Variants in HSD17B14 observed in about 807,000 individuals in gnomAD.
The protein encoded by HSD17B14 is L-fucose dehydrogenase.
HSD17B14 carries 32 observed loss-of-function variants against 32.2 expected under a neutral mutation model. The ratio of observed to expected loss-of-function variants is 0.99; its 90% CI spans 0.75 to 1.33. The LOEUF is 1.33. Among genes scored for constraint, HSD17B14 ranks in the 40% most tolerant of loss-of-function variants. HSD17B14 has a pLI of 0.00. For missense variants in HSD17B14, 370 were observed against 366.5 expected (o/e 1.01, Z -0.08); for synonymous variants, 140 against 155.4 (o/e 0.90, Z 0.74).
At position 48,836,479 on chromosome 19, in the gene HSD17B14, G is replaced by T; in HGVS notation, c.-68C>A. On this transcript the variant is annotated 5_prime_UTR_variant, in exon 1 of 9. Coordinates refer to ENST00000263278, the MANE Select transcript of HSD17B14 (RefSeq NM_016246.3). ...TTCACCTCCAAAGCCCCGTGAGGCC[G>T]TCGCATCAAATCCTCAATAGAGGCT... 6.6e-7 allele frequency: 1 copy of T among 1,521,200 alleles called. No individual in the cohort carries two copies. 94.2% of individuals were successfully genotyped at this position (1,521,200 alleles called of 1,614,324 possible). A position where few individuals can be genotyped will look rare whatever the true frequency, so the allele number is the denominator to read the frequency against.
At chr19:48,820,721 G>A (rs1039467982) in intron 5 of HSD17B14, among the ~76,000 whole-genome samples, 27 of 151,244 alleles carry the variant, frequency 1.8e-4, no homozygotes, top group Admixed American at 9.2e-4. Context: ...ACAGGGTTTC[G>A]GCCGGGCGCA....
At chr19:48,825,232 C>T (rs868447155) in intron 5 of HSD17B14, among the ~76,000 whole-genome samples, 67 of 108,458 alleles carry the variant, frequency 6.2e-4, no homozygotes, top group African/African-American at 2.5e-3. Flanking sequence ...AGCGAGACTC[C>T]GTCGCAAAAA....
intron 5 of HSD17B14, among the ~76,000 whole-genome samples, chr19:48,818,936 C>T (rs1244489840): frequency 1.3e-5 from 2 of 152,160 alleles, no homozygotes; most frequent in Non-Finnish European, 2.9e-5. Context: ...GGCCAGATCA[C>T]GAGGCCTTGA....
Position 48,823,026 on chromosome 19 carries a change from G to A in HSD17B14, c.370-7885C>T, listed in dbSNP as rs140029389. Among the ~76,000 whole-genome samples, 3 of 152,240 alleles carry A rather than the reference G, an allele frequency of 2.0e-5. No individual in the cohort carries two copies. The East Asian group carries it at 5.8e-4, about 29-fold the overall frequency. ...CATGAACAAGCAGACAAAAGTCTTT[G>A]CCCTCAGGGAAAACAAAGGCAATAT... On this transcript the variant is annotated intron_variant, in intron 5 of 8. Transcript: ENST00000263278.
chr19:48,826,231 G>A (rs978438430), intron 5 of HSD17B14, among the ~76,000 whole-genome samples: 4 of 151,672 alleles, frequency 2.6e-5, no homozygotes, highest in Non-Finnish European at 5.9e-5. Context: ...GGTGGCTTAC[G>A]CCTGTAATCC....
chr19:48,826,268 A>G (rs2035244005), intron 5 of HSD17B14, among the ~76,000 whole-genome samples: 1 of 151,546 alleles, frequency 6.6e-6, no homozygotes, highest in South Asian at 2.1e-4. Flanking sequence ...CGAGGCAGGC[A>G]GACCGCTATA....
At chr19:48,824,496 C>A (rs369811334) in intron 5 of HSD17B14, among the ~76,000 whole-genome samples, 1 of 151,346 alleles carries the variant, frequency 6.6e-6, no homozygotes. Context: ...AAGGGCCGGG[C>A]GCAGTGGCTC....
At position 48,813,246 on chromosome 19, in the gene HSD17B14, C is replaced by CT. The variant is rs2034990930; in HGVS notation, c.741_742insA (p.Gly248ArgfsTer56). ...TTGCACCCGTACCCCAGCTCTGCAC[C>CT]CCCCGTCACGAGCAGTTCAATGCCC... is the stretch of plus-strand genomic sequence containing the variant. On this transcript the variant is annotated frameshift_variant, in exon 9 of 9. Transcript: ENST00000263278. LOFTEE classifies it low-confidence loss of function (END_TRUNC). 6.2e-7 allele frequency: 1 copy of CT among 1,609,492 alleles called. No homozygotes were observed. Among genetic ancestry groups the CT allele is most frequent in the Non-Finnish European group, 8.5e-7 (1 of 1,178,182 alleles).
chr19:48,834,225 A>C (rs1312064890), intron 3 of HSD17B14, 51 bp downstream of exon 3: 1 of 1,461,618 alleles, frequency 6.8e-7, no homozygotes, highest in Non-Finnish European at 9.6e-7. Flanking sequence ...GGAGGAGAAC[A>C]AAGAACTGGT....
rs1006335002 is a variant in HSD17B14, at chr19:48,830,732, A to G, written c.369+936T>C. On this transcript the variant is annotated intron_variant, in intron 5 of 8. Coordinates refer to ENST00000263278, the MANE Select transcript of HSD17B14 (RefSeq NM_016246.3). The stretch of plus-strand genomic sequence containing the variant: ...AGACGAGGGTTTCACTATGTTGCCC[A>G]GGCTAGTCTCGAATTCCTGGGCTTA... Among the ~76,000 whole-genome samples, 4 of 152,254 alleles carry G rather than the reference A, an allele frequency of 2.6e-5. No individual in the cohort carries two copies. The East Asian group carries it at 7.7e-4, about 29-fold the overall frequency.
At chr19:48,825,954 G>T (rs891504195) in intron 5 of HSD17B14, among the ~76,000 whole-genome samples, 2 of 152,040 alleles carry the variant, frequency 1.3e-5, no homozygotes, top group African/African-American at 4.8e-5. Flanking sequence ...CCGAGTAGCT[G>T]GGACTACAGG....
In HSD17B14 at chr19:48,836,341, C is replaced by T; in HGVS notation, c.71G>A (p.Gly24Glu). 1 of 1,613,972 alleles carries T rather than the reference C, an allele frequency of 6.2e-7. No homozygotes were observed. The highest frequency in any genetic ancestry group is 8.5e-7 in the Non-Finnish European group (1 of 1,179,956). Residue 24 changes from glycine (G) to glutamate (E), a missense_variant, in exon 1 of 9, where the codon GGG becomes GAG. Gly to Glu is a moderately conservative substitution (Grantham distance 98, BLOSUM62 -2). Coordinates refer to ENST00000263278, the MANE Select transcript of HSD17B14 (RefSeq NM_016246.3). ...CGGCTCACCGAAGGCGCGCACGATC[C>T]CAGCTCCGATGCCGCGCCCGCCCCC... ...VTGGGRGIGA[G>E]IVRAFVNSGA...
chr19:48,832,350 G>A (rs959135780), intron 4 of HSD17B14, among the ~76,000 whole-genome samples: 2 of 151,824 alleles, frequency 1.3e-5, no homozygotes, highest in African/African-American at 4.8e-5. Flanking sequence ...CTGCACTCCA[G>A]CCTGGACGAC....
intron 5 of HSD17B14, among the ~76,000 whole-genome samples, chr19:48,818,709 C>T (rs1235074402): frequency 6.6e-6 from 1 of 152,096 alleles, no homozygotes; most frequent in East Asian, 1.9e-4. Flanking sequence ...ATATCAAGGA[C>T]CCGCTGGGGG....
intron 7 of HSD17B14, 50 bp downstream of exon 7, chr19:48,813,613 A>T: frequency 6.2e-7 from 1 of 1,612,886 alleles, no homozygotes; most frequent in Non-Finnish European, 8.5e-7. Context: ...GATCACTCCC[A>T]GTCACCCCAG....
At chr19:48,835,946 G>C (rs2035503303) in intron 1 of HSD17B14, 103 bp from the exon 2 acceptor site, 1 of 1,011,252 alleles carries the variant, frequency 9.9e-7, no homozygotes, top group Non-Finnish European at 1.5e-6. Context: ...CTCCCCTCGT[G>C]ACCCCAGTCT....
intron 5 of HSD17B14, among the ~76,000 whole-genome samples, chr19:48,827,545 T>C (rs2035270495): frequency 6.7e-6 from 1 of 148,966 alleles, no homozygotes; most frequent in Non-Finnish European, 1.5e-5. Context: ...TTCTTCTCCT[T>C]CGTTTTTTTT....
At chr19:48,815,699 G>C (rs2035039681) in intron 5 of HSD17B14, among the ~76,000 whole-genome samples, 2 of 151,968 alleles carry the variant, frequency 1.3e-5, no homozygotes, top group Non-Finnish European at 2.9e-5. Context: ...ATCCATGGAG[G>C]GGGAGATGGT....
intron 5 of HSD17B14, among the ~76,000 whole-genome samples, chr19:48,823,083 A>G (rs890689402): frequency 6.6e-6 from 1 of 152,206 alleles, no homozygotes; most frequent in African/African-American, 2.4e-5. Flanking sequence ...GTGTGAACAA[A>G]TCAGCTGTAA....
Sources: allele counts gnomAD v4.1 joint callset (sites outside exome capture counted in the v4.1 genomes callset), GRCh38; gene constraint gnomAD v4.1.1; transcripts MANE v1.5; gene names NCBI Gene and HGNC (gene_info 2026-07-23, HGNC 2026-07-21).